GOLM1: variants seen among roughly 807,000 people sequenced by gnomAD.
GOLM1 encodes golgi membrane protein 1, also known as epididymis luminal protein 46.
GOLM1 carries 31 observed loss-of-function variants against 50.5 expected under a neutral mutation model. That is an observed-to-expected ratio of 0.61 (90% CI 0.46 to 0.83). The LOEUF is 0.83. Ranked by LOEUF, GOLM1 falls within the 40% of genes least tolerant of loss-of-function variation. The pLI is 0.00. For synonymous variants in GOLM1, 178 were observed against 192.8 expected (o/e 0.92, Z 0.64); for missense variants, 491 against 501.3 (o/e 0.98, Z 0.20).
At position 86,026,254 on chromosome 9, in the gene GOLM1, A is replaced by G. The variant is rs1285424916; in HGVS notation, c.*1563T>C. The G allele has an allele frequency of 1.0e-6, 1 of 984,930 alleles. No homozygotes were observed. The highest frequency in any genetic ancestry group is 6.1e-5 in the Admixed American group (1 of 16,268). 61.0% of individuals were successfully genotyped at this position (984,930 alleles called of 1,614,324 possible). ...CAAGAGAAAATTCCTATCAACCCCAAGGAGGACTCAAAGTGAGGCTGGAAG... is the reference window on the plus strand; with the variant it reads ...CAAGAGAAAATTCCTATCAACCCCAGGGAGGACTCAAAGTGAGGCTGGAAG... On this transcript the variant is annotated 3_prime_UTR_variant, in exon 10 of 10. Transcript: ENST00000388712.
At chr9:86,041,773 A>G (rs993297000) in intron 5 of GOLM1, among the ~76,000 whole-genome samples, 1 of 152,232 alleles carries the variant, frequency 6.6e-6, no homozygotes, top group Admixed American at 6.5e-5. Context: ...GAGCAGTAGT[A>G]TGGGAGGGAG....
intron 3 of GOLM1, among the ~76,000 whole-genome samples, chr9:86,073,834 A>G (rs1395710754): frequency 1.3e-5 from 2 of 152,256 alleles, no homozygotes; most frequent in Non-Finnish European, 2.9e-5. Flanking sequence ...GCCACATTTC[A>G]GGTATTCATT....
chr9:86,045,792 G>C (rs1833519987), intron 5 of GOLM1, among the ~76,000 whole-genome samples: 1 of 151,968 alleles, frequency 6.6e-6, no homozygotes, highest in Non-Finnish European at 1.5e-5. Flanking sequence ...TGTGAACTTG[G>C]GCATGGACTG....
At chr9:86,084,166 TATC>T (rs1834878438) in intron 1 of GOLM1, among the ~76,000 whole-genome samples, 1 of 152,206 alleles carries the variant, frequency 6.6e-6, no homozygotes, top group Admixed American at 6.5e-5. Flanking sequence ...TTGGGGGCAT[TATC>T]ATCCCCATTT....
intron 9 of GOLM1, 89 bp from the exon 10 acceptor site, chr9:86,027,982 A>C: frequency 1.4e-6 from 1 of 728,704 alleles, no homozygotes; most frequent in Non-Finnish European, 2.3e-6. Context: ...ACTTCTAGAA[A>C]CTGTCATAAA....
intron 1 of GOLM1, among the ~76,000 whole-genome samples, chr9:86,088,457 T>TATATATA (rs1835058531): frequency 1.5e-5 from 2 of 134,908 alleles, no homozygotes; most frequent in African/African-American, 2.7e-5. Flanking sequence ...TATATATATA[T>TATATATA]TTAGGATAGA....
chr9:86,036,735 A>G (rs1373998587), intron 6 of GOLM1: 1 of 545,606 alleles, frequency 1.8e-6, no homozygotes, highest in Admixed American at 3.4e-5. Flanking sequence ...ATACAGAATA[A>G]AACTGGGCAG....
chr9:86,037,415 GGCGACAGA>G (rs1564341569), intron 6 of GOLM1, among the ~76,000 whole-genome samples: 2 of 149,796 alleles, frequency 1.3e-5, no homozygotes, highest in Non-Finnish European at 3.0e-5. Flanking sequence ...TCCAGCCTGG[GGCGACAGA>G]GCGAGACTGT....
intron 3 of GOLM1, among the ~76,000 whole-genome samples, chr9:86,054,805 G>A (rs1833938936): frequency 6.6e-6 from 1 of 152,198 alleles, no homozygotes; most frequent in East Asian, 1.9e-4. Flanking sequence ...TTAAATATCA[G>A]AGTGCACTGC....
intron 3 of GOLM1, among the ~76,000 whole-genome samples, chr9:86,068,588 C>T (rs1834370625): frequency 6.6e-6 from 1 of 152,208 alleles, no homozygotes; most frequent in Non-Finnish European, 1.5e-5. Context: ...GTAAGGGACT[C>T]TCTGATCATT....
At chr9:86,083,124 G>A (rs1834835613) in intron 1 of GOLM1, among the ~76,000 whole-genome samples, 1 of 152,120 alleles carries the variant, frequency 6.6e-6, no homozygotes, top group African/African-American at 2.4e-5. Context: ...CTGTCCCTCA[G>A]TATTCACTGG....
intron 3 of GOLM1, among the ~76,000 whole-genome samples, chr9:86,060,606 G>A (rs1834123875): frequency 6.6e-6 from 1 of 151,984 alleles, no homozygotes; most frequent in South Asian, 2.1e-4. Flanking sequence ...CACAGGCCGG[G>A]CGCAGCAGCT....
At chr9:86,057,578 G>A (rs1233953959) in intron 3 of GOLM1, among the ~76,000 whole-genome samples, 2 of 152,224 alleles carry the variant, frequency 1.3e-5, no homozygotes, top group Non-Finnish European at 2.9e-5. Context: ...CTCACATGCT[G>A]CCTTCGGTTC....
chr9:86,039,259 A>G (rs1833250641), intron 6 of GOLM1, among the ~76,000 whole-genome samples: 1 of 152,140 alleles, frequency 6.6e-6, no homozygotes, highest in Admixed American at 6.5e-5. Context: ...ACGAGCTGCC[A>G]CTCCACACCT....
chr9:86,040,891 A>G (rs1587701560), intron 5 of GOLM1, 23 bp from the exon 6 acceptor site: 3 of 1,612,300 alleles, frequency 1.9e-6, no homozygotes, highest in Non-Finnish European at 2.5e-6. Flanking sequence ...AAAGCAAAGG[A>G]AGGGCCTGAC....
intron 3 of GOLM1, among the ~76,000 whole-genome samples, chr9:86,057,907 A>G (rs1834039563): frequency 6.6e-6 from 1 of 152,202 alleles, no homozygotes; most frequent in Non-Finnish European, 1.5e-5. Context: ...CATTAAAATA[A>G]CCAACCTGCT....
intron 8 of GOLM1, among the ~76,000 whole-genome samples, chr9:86,034,217 C>A (rs1833068732): frequency 6.6e-6 from 1 of 152,154 alleles, no homozygotes; most frequent in Non-Finnish European, 1.5e-5. Flanking sequence ...CCCACCTCGG[C>A]CTCTCAAAGT....
intron 1 of GOLM1, among the ~76,000 whole-genome samples, chr9:86,090,473 C>T (rs1051428852): frequency 6.6e-6 from 1 of 152,174 alleles, no homozygotes; most frequent in Non-Finnish European, 1.5e-5. Flanking sequence ...AGTCTGGCCA[C>T]AGTGGCTTTG....
chr9:86,093,197 T>A (rs1028518257), intron 1 of GOLM1, among the ~76,000 whole-genome samples: 1 of 151,842 alleles, frequency 6.6e-6, no homozygotes, highest in African/African-American at 2.4e-5. Context: ...CTGGCCAACA[T>A]ATCAAAACCC....
Sources: gnomAD v4.1 joint callset for allele counts (sites outside exome capture counted in the v4.1 genomes callset) on GRCh38, gnomAD v4.1.1 for gene constraint, MANE v1.5 for transcripts, NCBI Gene and HGNC (gene_info 2026-07-23, HGNC 2026-07-21) for gene names.